ERBB4: variants seen among roughly 807,000 people sequenced by gnomAD.
The protein encoded by ERBB4 is erb-b2 receptor tyrosine kinase 4, also known as receptor tyrosine-protein kinase erbB-4.
ERBB4 carries 42 observed loss-of-function variants against 158.0 expected under a neutral mutation model. The ratio of observed to expected loss-of-function variants is 0.27; its 90% CI spans 0.21 to 0.34. The LOEUF is 0.34. Ranked by LOEUF, ERBB4 falls within the 10% of genes least tolerant of loss-of-function variation. The pLI is 1.00. For missense variants in ERBB4, 1,333 were observed against 1,624.1 expected (o/e 0.82, Z 3.08); for synonymous variants, 583 against 558.7 (o/e 1.04, Z -0.61).
At chr2:211,488,140 T>C (rs75731114) in intron 20 of ERBB4, among the ~76,000 whole-genome samples, 4,962 of 152,098 alleles carry the variant, frequency 0.033, 138 homozygotes, top group African/African-American at 0.067. Flanking sequence ...GAATGAGCTA[T>C]GAATAACTAA....
intron 5 of ERBB4, among the ~76,000 whole-genome samples, chr2:211,746,691 G>C (rs190337691): frequency 6.6e-6 from 1 of 152,002 alleles, no homozygotes; most frequent in East Asian, 1.9e-4. Context: ...TTAGCCAGGC[G>C]TGGTGGCACA....
intron 2 of ERBB4, among the ~76,000 whole-genome samples, chr2:212,001,877 G>A (rs11892109): frequency 0.45 from 68,189 of 152,004 alleles, 16,886 homozygotes; most frequent in Non-Finnish European, 0.56. Context: ...AAATTTGCAC[G>A]TATAATGTTT....
chr2:212,080,584 C>A (rs1387391107), intron 2 of ERBB4, among the ~76,000 whole-genome samples: 2 of 146,268 alleles, frequency 1.4e-5, no homozygotes, highest in African/African-American at 5.3e-5. Context: ...TCAGAGTTCA[C>A]CCAATTGGAG....
intron 4 of ERBB4, among the ~76,000 whole-genome samples, chr2:211,765,969 C>T (rs2106252925): frequency 6.6e-6 from 1 of 152,224 alleles, no homozygotes; most frequent in South Asian, 2.1e-4. Context: ...TAATGAAGCA[C>T]AGAAAGGTAG....
chr2:211,708,626 C>G (rs916315200), intron 9 of ERBB4, among the ~76,000 whole-genome samples: 2 of 151,622 alleles, frequency 1.3e-5, no homozygotes, highest in African/African-American at 4.8e-5. Flanking sequence ...CTCTCTCTCT[C>G]TCTCTCTCTC....
chr2:211,480,542 C>G (rs2065057152), intron 20 of ERBB4, among the ~76,000 whole-genome samples: 1 of 152,104 alleles, frequency 6.6e-6, no homozygotes, highest in Non-Finnish European at 1.5e-5. Context: ...CGAGTCCTCC[C>G]CAGATATGCT....
At chr2:212,403,708 G>T (rs2091270868) in intron 1 of ERBB4, among the ~76,000 whole-genome samples, 1 of 151,984 alleles carries the variant, frequency 6.6e-6, no homozygotes, top group African/African-American at 2.4e-5. Context: ...GAGTAGAATG[G>T]TGACTGCCAG....
chr2:211,826,212 G>T (rs948086323), intron 3 of ERBB4, among the ~76,000 whole-genome samples: 7 of 151,602 alleles, frequency 4.6e-5, no homozygotes, highest in Admixed American at 1.3e-4. Context: ...AAATTAGTAA[G>T]AATCATAGAG....
At chr2:212,534,320 C>A (rs965897435) in intron 1 of ERBB4, among the ~76,000 whole-genome samples, 3 of 152,154 alleles carry the variant, frequency 2.0e-5, no homozygotes, top group African/African-American at 7.2e-5. Context: ...CAATTCATTG[C>A]CTCACTAGCA....
At chr2:211,843,476 G>T (rs2077520929) in intron 3 of ERBB4, among the ~76,000 whole-genome samples, 1 of 151,986 alleles carries the variant, frequency 6.6e-6, no homozygotes, top group Non-Finnish European at 1.5e-5. Flanking sequence ...GGCTCTAGAA[G>T]TCATTGTATA....
chr2:211,624,644 C>T (rs2069767223), intron 17 of ERBB4, among the ~76,000 whole-genome samples: 1 of 152,184 alleles, frequency 6.6e-6, no homozygotes, highest in South Asian at 2.1e-4. Context: ...TTCTAAAATT[C>T]TATGATTTGA....
At chr2:212,249,606 G>A (rs557320343) in intron 1 of ERBB4, among the ~76,000 whole-genome samples, 4 of 151,956 alleles carry the variant, frequency 2.6e-5, no homozygotes, top group South Asian at 2.1e-4. Flanking sequence ...TTAAAACAAG[G>A]ATGTTTTAAA....
chr2:211,737,662 C>T (rs553750925), intron 5 of ERBB4, among the ~76,000 whole-genome samples: 2 of 152,258 alleles, frequency 1.3e-5, no homozygotes, highest in Admixed American at 1.3e-4. Flanking sequence ...AACAACTGTA[C>T]TTACCTCATG....
At chr2:211,784,207 T>C (rs2076103530) in intron 4 of ERBB4, among the ~76,000 whole-genome samples, 1 of 152,238 alleles carries the variant, frequency 6.6e-6, no homozygotes. Flanking sequence ...CAGAACTTTT[T>C]CAACCTTGAG....
At chr2:211,631,613 C>T (rs781560526) in intron 16 of ERBB4, among the ~76,000 whole-genome samples, 1 of 152,044 alleles carries the variant, frequency 6.6e-6, no homozygotes, top group South Asian at 2.1e-4. Context: ...CTAATTTTTT[C>T]CTTGCTTAAA....
At chr2:212,129,830 C>A (rs2080057645) in intron 1 of ERBB4, among the ~76,000 whole-genome samples, 1 of 151,908 alleles carries the variant, frequency 6.6e-6, no homozygotes, top group Admixed American at 6.6e-5. Context: ...ACATGCTGTT[C>A]AATTTAGTAG....
At chr2:211,565,499 T>C (rs2067520074) in intron 19 of ERBB4, among the ~76,000 whole-genome samples, 2 of 152,164 alleles carry the variant, frequency 1.3e-5, no homozygotes, top group South Asian at 4.1e-4. Context: ...ATTTGGGCAG[T>C]GGAAAATGGG....
intron 20 of ERBB4, among the ~76,000 whole-genome samples, chr2:211,442,736 T>TAA (rs958205357): frequency 6.6e-5 from 10 of 151,494 alleles, no homozygotes; most frequent in African/African-American, 2.4e-4. Context: ...CATATGTGTA[T>TAA]ATATATATGA....
intron 12 of ERBB4, among the ~76,000 whole-genome samples, chr2:211,698,597 TA>T (rs2073113902): frequency 6.6e-6 from 1 of 151,908 alleles, no homozygotes; most frequent in Non-Finnish European, 1.5e-5. Context: ...ATTAAAATTG[TA>T]AAAATAAAAA....
Sources: gnomAD v4.1 joint callset for allele counts (sites outside exome capture counted in the v4.1 genomes callset) on GRCh38, gnomAD v4.1.1 for gene constraint, MANE v1.5 for transcripts, NCBI Gene and HGNC (gene_info 2026-07-23, HGNC 2026-07-21) for gene names.